NXPH1: variants seen among roughly 807,000 people sequenced by gnomAD.
The protein encoded by NXPH1 is neurexophilin 1.
A neutral mutation model predicts 23.7 loss-of-function variants in NXPH1; 5 were observed. The ratio of observed to expected loss-of-function variants is 0.21; its 90% CI spans 0.11 to 0.44. The LOEUF is 0.44. Ranked by LOEUF, NXPH1 falls within the 20% of genes least tolerant of loss-of-function variation. NXPH1 has a pLI of 0.99. For synonymous variants in NXPH1, 144 were observed against 122.2 expected (o/e 1.18, Z -1.18); for missense variants, 324 against 321.6 (o/e 1.01, Z -0.06).
intron 2 of NXPH1, among the ~76,000 whole-genome samples, chr7:8,711,574 T>A (rs1251781987): frequency 7.9e-5 from 12 of 152,166 alleles, no homozygotes. Context: ...GCACAATTTA[T>A]GGAAGGAGTG....
At chr7:8,545,934 CT>C (rs1394156329) in intron 2 of NXPH1, among the ~76,000 whole-genome samples, 1 of 151,478 alleles carries the variant, frequency 6.6e-6, no homozygotes, top group African/African-American at 2.4e-5. Context: ...ACAAAAGTCA[CT>C]TTTTTGTGTG....
chr7:8,550,939 T>C (rs1260841794), intron 2 of NXPH1, among the ~76,000 whole-genome samples: 1 of 151,542 alleles, frequency 6.6e-6, no homozygotes, highest in Non-Finnish European at 1.5e-5. Context: ...ACAACACATA[T>C]TTTTATACTT....
At chr7:8,533,823 G>A (rs768928477) in intron 2 of NXPH1, among the ~76,000 whole-genome samples, 4 of 152,088 alleles carry the variant, frequency 2.6e-5, no homozygotes, top group Non-Finnish European at 5.9e-5. Context: ...GAGAAGAGCT[G>A]ATCAATATTT....
At chr7:8,597,049 C>A (rs1819241943) in intron 2 of NXPH1, among the ~76,000 whole-genome samples, 2 of 151,964 alleles carry the variant, frequency 1.3e-5, no homozygotes, top group African/African-American at 4.8e-5. Flanking sequence ...AGAGCCCTTC[C>A]AGGTGGGCAA....
chr7:8,634,977 G>A (rs1255895654), intron 2 of NXPH1, among the ~76,000 whole-genome samples: 3 of 138,746 alleles, frequency 2.2e-5, no homozygotes, highest in Non-Finnish European at 4.8e-5. Flanking sequence ...TCTCACCATT[G>A]ACATATTACT....
Position 8,752,875 on chromosome 7 carries a change from A to G in NXPH1, c.*1106A>G, listed in dbSNP as rs559000449. 57 of 152,730 alleles carry G rather than the reference A, an allele frequency of 3.7e-4. No individual in the cohort carries two copies. The East Asian group carries it at 0.011, about 29-fold the overall frequency. 9.5% of individuals were successfully genotyped at this position (152,730 alleles called of 1,614,324 possible). A position where few individuals can be genotyped will look rare whatever the true frequency, so the allele number is the denominator to read the frequency against. On this transcript the variant is annotated 3_prime_UTR_variant, in exon 3 of 3. Coordinates refer to ENST00000405863, the MANE Select transcript of NXPH1 (RefSeq NM_152745.3). The stretch of plus-strand genomic sequence containing the variant: ...TATTGTTGAAAGCTATACATATACA[A>G]CATTACAGTCTGTCTGTATTTAGAT...
chr7:8,648,880 A>C (rs1199960507), intron 2 of NXPH1, among the ~76,000 whole-genome samples: 1 of 152,084 alleles, frequency 6.6e-6, no homozygotes, highest in Non-Finnish European at 1.5e-5. Context: ...TTTTTGTTTT[A>C]TATAAGTATA....
intron 2 of NXPH1, among the ~76,000 whole-genome samples, chr7:8,578,404 C>T (rs1265776513): frequency 3.3e-5 from 5 of 152,268 alleles, no homozygotes; most frequent in Admixed American, 3.3e-4. Context: ...ATGTCCCAAA[C>T]AATAATAAAG....
chr7:8,665,593 G>A (rs991046171), intron 2 of NXPH1, among the ~76,000 whole-genome samples: 5 of 151,876 alleles, frequency 3.3e-5, no homozygotes, highest in Admixed American at 3.3e-4. Flanking sequence ...CATTGAATTG[G>A]TAGATAACTC....
intron 2 of NXPH1, among the ~76,000 whole-genome samples, chr7:8,732,171 A>G (rs1583251409): frequency 6.6e-6 from 1 of 152,214 alleles, no homozygotes; most frequent in East Asian, 1.9e-4. Flanking sequence ...GCGCTTCCTG[A>G]GTGAGGCAAT....
intron 2 of NXPH1, among the ~76,000 whole-genome samples, chr7:8,651,984 A>G (rs10277142): frequency 0.71 from 107,492 of 151,932 alleles, 38,765 homozygotes; most frequent in East Asian, 1. Context: ...ATATAAGGCC[A>G]TTGATCCTCC....
intron 2 of NXPH1, among the ~76,000 whole-genome samples, chr7:8,745,894 C>G (rs934236309): frequency 3.9e-5 from 6 of 152,078 alleles, no homozygotes; most frequent in Admixed American, 6.6e-5. Context: ...AAGAACTCCT[C>G]TGGCCCATGC....
At chr7:8,543,803 T>C (rs1010747642) in intron 2 of NXPH1, among the ~76,000 whole-genome samples, 2 of 151,712 alleles carry the variant, frequency 1.3e-5, no homozygotes, top group African/African-American at 2.4e-5. Context: ...GTATGTACTC[T>C]TCAGTTAGCT....
chr7:8,748,726 A>C (rs1780515117), intron 2 of NXPH1, among the ~76,000 whole-genome samples: 1 of 152,146 alleles, frequency 6.6e-6, no homozygotes, highest in African/African-American at 2.4e-5. Flanking sequence ...TTGTTAGCCT[A>C]CCCAGAGTTT....
At chr7:8,440,306 C>T (rs143139025) in intron 2 of NXPH1, among the ~76,000 whole-genome samples, 10 of 152,276 alleles carry the variant, frequency 6.6e-5, no homozygotes, top group African/African-American at 2.4e-4. Context: ...ACTTTTCTGC[C>T]CCATTTCCAG....
rs559535094 is a variant in NXPH1, at chr7:8,539,945, G to A, written c.54+104178G>A. Among the ~76,000 whole-genome samples, 6 of 151,846 alleles carry A rather than the reference G, an allele frequency of 4.0e-5. No homozygotes were observed. The East Asian group carries it at 1.2e-3, about 30-fold the overall frequency. ...TAATTATATTTCTTCTTATGAATATGTGCAAGACAGTAAACCTTTATATTT... is the reference window on the plus strand; with the variant it reads ...TAATTATATTTCTTCTTATGAATATATGCAAGACAGTAAACCTTTATATTT... On this transcript the variant is annotated intron_variant, in intron 2 of 2. Coordinates refer to ENST00000405863, the MANE Select transcript of NXPH1 (RefSeq NM_152745.3).
At chr7:8,516,431 C>G (rs1470070124) in intron 2 of NXPH1, among the ~76,000 whole-genome samples, 1 of 152,128 alleles carries the variant, frequency 6.6e-6, no homozygotes, top group African/African-American at 2.4e-5. Context: ...AAGAGCATTA[C>G]AGTGAGCATC....
intron 2 of NXPH1, among the ~76,000 whole-genome samples, chr7:8,583,189 T>G (rs1818915226): frequency 6.6e-6 from 1 of 152,198 alleles, no homozygotes; most frequent in African/African-American, 2.4e-5. Context: ...GACTTCTAAA[T>G]TGTCTGCCAA....
Position 8,655,388 on chromosome 7 carries a change from T to C in NXPH1, c.55-95620T>C, listed in dbSNP as rs1224248259. 1.5e-3 allele frequency among the ~76,000 whole-genome samples: 70 copies of C among 47,840 alleles called. 1 individual carries two copies. The Admixed American group carries it at 0.015, about 10-fold the overall frequency. 31.4% of individuals were successfully genotyped at this position (47,840 alleles called of 152,430 possible). On this transcript the variant is annotated intron_variant, in intron 2 of 2. Transcript: ENST00000405863. ...TGACAAAGGGAGTCTGTCTCTGTCT[T>C]TGTCTTTGTCTTTCTCTCTCTCTCT...
Sources: gnomAD v4.1 joint callset for allele counts (sites outside exome capture counted in the v4.1 genomes callset) on GRCh38, gnomAD v4.1.1 for gene constraint, MANE v1.5 for transcripts, NCBI Gene and HGNC (gene_info 2026-07-23, HGNC 2026-07-21) for gene names.